Variants in LMBRD2 observed in about 807,000 individuals in gnomAD.
LMBRD2 encodes G protein-coupled receptor-associated protein LMBRD2.
A neutral mutation model predicts 94.4 loss-of-function variants in LMBRD2; 55 were observed. That is an observed-to-expected ratio of 0.58 (90% CI 0.47 to 0.73). The LOEUF (loss-of-function observed/expected upper bound fraction) is 0.73. Ranked by LOEUF, LMBRD2 falls within the 30% of genes least tolerant of loss-of-function variation. LMBRD2 has a pLI of 0.00. For missense variants in LMBRD2, 640 were observed against 831.9 expected, an observed-to-expected ratio of 0.77 and a Z score of 2.84; for synonymous variants, 246 against 272.4, an observed-to-expected ratio of 0.90 and a Z score of 0.95.
rs187766268 is a variant in LMBRD2, at chr5:36,099,447, T to C, written c.*4599A>G. 1 of 152,226 alleles carries C rather than the reference T, an allele frequency of 6.6e-6. No homozygotes were observed. Among genetic ancestry groups the C allele is most frequent in the East Asian group, 1.9e-4 (1 of 5,182 alleles). The allele number at this position is 152,226 out of a possible 1,614,324, so 9.4% of individuals were successfully genotyped here. A position where few individuals can be genotyped will look rare whatever the true frequency, so the allele number is the denominator to read the frequency against. Reference sequence around the variant, plus strand: ...ACAAAAACAAATCCATTGGATTGCTTTTAAAAAATATATACACAGTCTCTC... The same window carrying C: ...ACAAAAACAAATCCATTGGATTGCTCTTAAAAAATATATACACAGTCTCTC... On this transcript the variant is annotated 3_prime_UTR_variant, in exon 18 of 18. Transcript: ENST00000296603.
At chr5:36,150,142 T>C (rs969470721) in intron 1 of LMBRD2, among the ~76,000 whole-genome samples, 5 of 152,216 alleles carry the variant, frequency 3.3e-5, no homozygotes, top group African/African-American at 1.2e-4. Flanking sequence ...ATTAGGAAGA[T>C]GAAGTATGTC....
intron 17 of LMBRD2, among the ~76,000 whole-genome samples, chr5:36,104,452 T>C (rs1157389002): frequency 5.9e-5 from 9 of 152,020 alleles, no homozygotes; most frequent in Non-Finnish European, 1.0e-4. Context: ...ATATAGGCAA[T>C]ACTATAGTAA....
At chr5:36,125,474 G>C (rs1232243344) in intron 6 of LMBRD2, among the ~76,000 whole-genome samples, 1 of 152,026 alleles carries the variant, frequency 6.6e-6, no homozygotes, top group Non-Finnish European at 1.5e-5. Flanking sequence ...AGAAAAATGG[G>C]AATATAGAAA....
At chr5:36,125,290 T>C (rs1219282602) in intron 6 of LMBRD2, among the ~76,000 whole-genome samples, 1 of 152,168 alleles carries the variant, frequency 6.6e-6, no homozygotes, top group Non-Finnish European at 1.5e-5. Flanking sequence ...ATAAGAGAAG[T>C]GAGCAGGATA....
chr5:36,109,671 T>G (rs972637212), intron 15 of LMBRD2, among the ~76,000 whole-genome samples: 2 of 152,070 alleles, frequency 1.3e-5, no homozygotes, highest in Non-Finnish European at 2.9e-5. Flanking sequence ...TATTTATTCA[T>G]TCGACAAATA....
intron 13 of LMBRD2, among the ~76,000 whole-genome samples, chr5:36,113,708 T>C (rs1175320015): frequency 6.6e-6 from 1 of 152,144 alleles, no homozygotes; most frequent in African/African-American, 2.4e-5. Context: ...CATTTTTAAG[T>C]ATTTTTGAAA....
chr5:36,117,596 A>G (rs1561514543), intron 10 of LMBRD2, 139 bp downstream of exon 10: 3 of 527,964 alleles, frequency 5.7e-6, no homozygotes, highest in Non-Finnish European at 9.7e-6. Context: ...ATAATGAAGC[A>G]CATTTCTGGA....
chr5:36,151,073 G>A lies in LMBRD2; in HGVS notation c.-58+483C>T, dbSNP rs904841423. Among the ~76,000 whole-genome samples, 2 of 151,990 alleles carry A rather than the reference G, an allele frequency of 1.3e-5. No homozygotes were observed. The highest frequency in any genetic ancestry group is 4.8e-5 in the African/African-American group (2 of 41,368). On this transcript the variant is annotated intron_variant, in intron 1 of 17. Coordinates refer to ENST00000296603, the MANE Select transcript of LMBRD2 (RefSeq NM_001007527.2). The surrounding 1 kb of genome is among the most constrained non-coding windows in gnomAD (Gnocchi z 4.7). ...TAGTATAGTTTGCCCAATGGATTTC[G>A]CATGGTCATTGTACCTGGAATATGT...
chr5:36,121,275 C>T (rs1411987191), intron 9 of LMBRD2, among the ~76,000 whole-genome samples: 1 of 152,184 alleles, frequency 6.6e-6, no homozygotes, highest in Non-Finnish European at 1.5e-5. Context: ...ACAGATAACA[C>T]ATCATTCCTT....
At position 36,122,857 on chromosome 5, in the gene LMBRD2, C is replaced by A. The variant is rs771620188; in HGVS notation, c.927G>T (p.Leu309=). ...TAATTAACAAAGTTACCTGTTTATG[C>A]AGTTTTACCAGACTTTTTTCACTTG... ...IYPSEKSLVK[L]HKQVIYSVQR... is the part of the protein sequence containing the mutation. Residue 309 remains leucine, a synonymous_variant, in exon 8 of 18, where the codon CTG becomes CTT. Transcript: ENST00000296603. 1.9e-6 allele frequency: 3 copies of A among 1,593,044 alleles called. No homozygotes were observed. Among genetic ancestry groups the A allele is most frequent in the Non-Finnish European group, 2.6e-6 (3 of 1,173,832 alleles).
At chr5:36,117,996 A>G in intron 9 of LMBRD2, 80 bp from the exon 10 acceptor site, 1 of 1,069,260 alleles carries the variant, frequency 9.4e-7, no homozygotes, top group African/African-American at 1.6e-5. Flanking sequence ...AATAGCTCCT[A>G]ATAAGATACT....
intron 1 of LMBRD2, among the ~76,000 whole-genome samples, chr5:36,146,480 C>T (rs141945089): frequency 5.9e-5 from 9 of 152,272 alleles, no homozygotes; most frequent in Middle Eastern, 3.4e-3. Context: ...AACTGATCCT[C>T]CCACCTCAGC....
chr5:36,116,384 C>G (rs2111860488), intron 11 of LMBRD2, 76 bp downstream of exon 11: 1 of 1,375,396 alleles, frequency 7.3e-7, no homozygotes, highest in East Asian at 2.3e-5. Context: ...CACCTGTAAA[C>G]AACAAAAAAT....
chr5:36,117,705 C>T (rs1180783076), intron 10 of LMBRD2, 30 bp downstream of exon 10: 1 of 1,439,266 alleles, frequency 6.9e-7, no homozygotes, highest in African/African-American at 1.4e-5. Context: ...GAAGTGACAT[C>T]TATTTATGAC....
chr5:36,114,991 A>G, intron 12 of LMBRD2, 24 bp downstream of exon 12: 1 of 1,422,104 alleles, frequency 7.0e-7, no homozygotes, highest in Non-Finnish European at 9.9e-7. Flanking sequence ...AACCTAAGGA[A>G]TTCTATTTTC....
chr5:36,106,184 A>T (rs1260369737), intron 16 of LMBRD2, among the ~76,000 whole-genome samples: 1 of 152,040 alleles, frequency 6.6e-6, no homozygotes, highest in Non-Finnish European at 1.5e-5. Flanking sequence ...CTTCCACTCT[A>T]TGGTAAGCAA....
Position 36,108,323 on chromosome 5 carries a change from C to A in LMBRD2, c.1897+211G>T, listed in dbSNP as rs559299218. Among the ~76,000 whole-genome samples the A allele has an allele frequency of 4.9e-4, 75 of 152,178 alleles. 1 individual carries two copies. The South Asian group carries it at 0.015, about 30-fold the overall frequency. On this transcript the variant is annotated intron_variant, in intron 16 of 17. Coordinates refer to ENST00000296603, the MANE Select transcript of LMBRD2 (RefSeq NM_001007527.2). ...TATACTTAGAACTATTCATTTGATG[C>A]CCCAGTTTCTCCTTTCCCTACCACA...
chr5:36,137,474 C>T (rs1429311778), intron 4 of LMBRD2, 33 bp from the exon 5 acceptor site: 1 of 1,411,742 alleles, frequency 7.1e-7, no homozygotes, highest in East Asian at 2.3e-5. Flanking sequence ...ATTAAAAACC[C>T]AAATAATTGA....
In LMBRD2 at chr5:36,151,185, C is replaced by T. The variant is rs571645382; in HGVS notation, c.-58+371G>A. Among the ~76,000 whole-genome samples, 1 of 152,348 alleles carries T rather than the reference C, an allele frequency of 6.6e-6. No individual in the cohort carries two copies. Among genetic ancestry groups the T allele is most frequent in the East Asian group, 1.9e-4 (1 of 5,176 alleles). On this transcript the variant is annotated intron_variant, in intron 1 of 17. Coordinates refer to ENST00000296603, the MANE Select transcript of LMBRD2 (RefSeq NM_001007527.2). The surrounding 1 kb of genome is among the most constrained non-coding windows in gnomAD (Gnocchi z 4.7). The stretch of plus-strand genomic sequence containing the variant: ...GCTTTTAGGCGGCGACGCAAACACA[C>T]GTAGCCAGCTGAGCGACAGCAAGCA...
Sources: allele counts gnomAD v4.1 joint callset (sites outside exome capture counted in the v4.1 genomes callset), GRCh38; gene constraint gnomAD v4.1.1; non-coding constraint Gnocchi (gnomAD v3.1); transcripts MANE v1.5; gene names NCBI Gene and HGNC (gene_info 2026-07-23, HGNC 2026-07-21).